Variants in SPATA6 observed in about 807,000 individuals in gnomAD.
SPATA6 encodes spermatogenesis associated 6.
SPATA6 carries 56 observed loss-of-function variants against 65.3 expected under a neutral mutation model. The ratio of observed to expected loss-of-function variants is 0.86; its 90% confidence interval spans 0.69 to 1.07. The LOEUF is 1.07. SPATA6 is among the 50% of genes least tolerant of loss of function. SPATA6 has a pLI of 0.00. For synonymous variants in SPATA6, 199 were observed against 213.2 expected, an observed-to-expected ratio of 0.93 and a Z score of 0.58; for missense variants, 590 against 594.8, an observed-to-expected ratio of 0.99 and a Z score of 0.08.
At chr1:48,292,086 G>A (rs1644771979), downstream of SPATA6, among the ~76,000 whole-genome samples, 1 of 152,220 alleles carries the variant, frequency 6.6e-6, no homozygotes, top group Non-Finnish European at 1.5e-5. Flanking sequence ...GTTACTGTAA[G>A]TTTGCATTCC....
chr1:48,377,389 G>A (rs528725680), intron 9 of SPATA6, among the ~76,000 whole-genome samples: 34 of 152,142 alleles, frequency 2.2e-4, no homozygotes, highest in Admixed American at 7.8e-4. Flanking sequence ...TATTTTAGTT[G>A]CTTAGCCACT....
intron 11 of SPATA6, among the ~76,000 whole-genome samples, chr1:48,308,784 C>G (rs781281482): frequency 1.3e-5 from 2 of 152,120 alleles, no homozygotes; most frequent in African/African-American, 4.8e-5. Context: ...TCCACAGTTT[C>G]TGATTTAAAC....
chr1:48,369,140 C>T (rs1393199387), intron 9 of SPATA6, among the ~76,000 whole-genome samples: 2 of 152,124 alleles, frequency 1.3e-5, no homozygotes, highest in African/African-American at 4.8e-5. Flanking sequence ...GCTGCCTGAT[C>T]GGTCCTCTGG....
At chr1:48,337,359 T>G (rs760567231) in intron 11 of SPATA6, among the ~76,000 whole-genome samples, 4 of 151,528 alleles carry the variant, frequency 2.6e-5, no homozygotes, top group Non-Finnish European at 5.9e-5. Context: ...TATTAGAAAA[T>G]AAGGAATTTC....
At chr1:48,355,014 C>A (rs151265428) in intron 11 of SPATA6, among the ~76,000 whole-genome samples, 1 of 151,944 alleles carries the variant, frequency 6.6e-6, no homozygotes, top group African/African-American at 2.4e-5. Context: ...CCTTATACCC[C>A]CCCAAGACTA....
intron 1 of SPATA6, among the ~76,000 whole-genome samples, chr1:48,463,366 G>A (rs756932680): frequency 1.3e-5 from 2 of 152,132 alleles, no homozygotes; most frequent in Non-Finnish European, 2.9e-5. Flanking sequence ...GGGAGAGTAT[G>A]AGTATGGGAG....
intron 12 of SPATA6, among the ~76,000 whole-genome samples, chr1:48,304,331 T>C (rs1645008576): frequency 6.6e-6 from 1 of 152,130 alleles, no homozygotes; most frequent in Non-Finnish European, 1.5e-5. Flanking sequence ...TTAACTCTCA[T>C]TTGAGAGGTA....
intron 3 of SPATA6, chr1:48,436,442 CTT>C: frequency 6.2e-7 from 1 of 1,607,364 alleles, no homozygotes; most frequent in Non-Finnish European, 8.5e-7. Context: ...ATGAGTGAAA[CTT>C]TAATAAGAAA....
At chr1:48,363,444 T>G (rs1332481337) in intron 9 of SPATA6, among the ~76,000 whole-genome samples, 1 of 152,168 alleles carries the variant, frequency 6.6e-6, no homozygotes, top group Non-Finnish European at 1.5e-5. Flanking sequence ...TTTACCCTAT[T>G]AAGGCTTTCG....
At chr1:48,272,792 G>C in the SPATA6 span, among the ~76,000 whole-genome samples, 1 of 152,024 alleles carries the variant, frequency 6.6e-6, no homozygotes, top group Non-Finnish European at 1.5e-5. Context: ...AAAAACACTT[G>C]TTATCTTTTG....
chr1:48,276,371 G>C, the SPATA6 span, among the ~76,000 whole-genome samples: 36 of 151,750 alleles, frequency 2.4e-4, no homozygotes, highest in African/African-American at 8.7e-4. Context: ...CTTATCTTCT[G>C]CTAGCTTTTG....
At chr1:48,312,082 T>C (rs1187786870) in intron 11 of SPATA6, among the ~76,000 whole-genome samples, 1 of 152,150 alleles carries the variant, frequency 6.6e-6, no homozygotes, top group African/African-American at 2.4e-5. Context: ...TCAAACTCGG[T>C]GGAGCCCACC....
In SPATA6 at chr1:48,297,127, T is replaced by TGTGC. The variant is rs1475770960; in HGVS notation, c.*1585_*1586insGCAC. On this transcript the variant is annotated 3_prime_UTR_variant, in exon 13 of 13. Coordinates refer to ENST00000371847, the MANE Select transcript of SPATA6 (RefSeq NM_019073.4). ...ATCCTACATATGACTCTCTAAGAGG[T>TGTGC]GTGTGTGTGTGTGTGTGTGTGTGTG... The TGTGC allele has an allele frequency of 6.4e-5, 2 of 31,200 alleles. No homozygotes were observed. The highest frequency in any genetic ancestry group is 7.6e-4 in the South Asian group (1 of 1,314). 1.9% of individuals were successfully genotyped at this position (31,200 alleles called of 1,614,324 possible).
At chr1:48,438,483 G>C (rs1029992750) in intron 3 of SPATA6, among the ~76,000 whole-genome samples, 1 of 152,144 alleles carries the variant, frequency 6.6e-6, no homozygotes, top group Non-Finnish European at 1.5e-5. Flanking sequence ...TGGCAGCACT[G>C]GTTTGCTTGG....
intron 3 of SPATA6, chr1:48,437,245 C>A (rs1400135514): frequency 2.5e-6 from 4 of 1,609,074 alleles, no homozygotes; most frequent in Admixed American, 3.4e-5. Context: ...CATTTCATGT[C>A]CTATATACTT....
At chr1:48,458,040 G>C (rs1657140273) in intron 1 of SPATA6, among the ~76,000 whole-genome samples, 1 of 150,802 alleles carries the variant, frequency 6.6e-6, no homozygotes, top group Non-Finnish European at 1.5e-5. Context: ...AAATAAGTTA[G>C]TATTAATCCA....
At chr1:48,293,511 C>A (rs904769125), downstream of SPATA6, among the ~76,000 whole-genome samples, 1 of 152,128 alleles carries the variant, frequency 6.6e-6, no homozygotes, top group African/African-American at 2.4e-5. Flanking sequence ...GCCAGGGTCT[C>A]CTACTCTACC....
intron 1 of SPATA6, among the ~76,000 whole-genome samples, chr1:48,464,085 C>G (rs999627903): frequency 1.1e-4 from 16 of 151,560 alleles, no homozygotes; most frequent in African/African-American, 3.6e-4. Context: ...AAATGAAAAC[C>G]CTACAGCCAA....
At chr1:48,434,133 C>T (rs1369795379) in intron 3 of SPATA6, among the ~76,000 whole-genome samples, 1 of 151,468 alleles carries the variant, frequency 6.6e-6, no homozygotes, top group East Asian at 1.9e-4. Flanking sequence ...AGGACAGTTC[C>T]AACAGTCATA....
Sources: gnomAD v4.1 joint callset for allele counts (sites outside exome capture counted in the v4.1 genomes callset) on GRCh38, gnomAD v4.1.1 for gene constraint, MANE v1.5 for transcripts, NCBI Gene and HGNC (gene_info 2026-07-23, HGNC 2026-07-21) for gene names.